TTC12: variants seen among roughly 807,000 people sequenced by gnomAD.
TTC12 encodes the protein tetratricopeptide repeat domain 12.
TTC12 carries 70 observed loss-of-function variants against 90.1 expected under a neutral mutation model. The observed-to-expected ratio is 0.78, with a 90% CI of 0.64 to 0.95. TTC12 has a LOEUF of 0.95. Among genes scored for constraint, TTC12 ranks in the 40% least tolerant of loss-of-function variants. The pLI is 0.00. For synonymous variants in TTC12, 296 were observed against 311.5 expected, an observed-to-expected ratio of 0.95 and a Z score of 0.53; for missense variants, 819 against 846.1, an observed-to-expected ratio of 0.97 and a Z score of 0.40.
intron 9 of TTC12, 24 bp downstream of exon 9, chr11:113,338,858 CT>C: frequency 1.2e-6 from 2 of 1,609,962 alleles, no homozygotes; most frequent in South Asian, 2.2e-5. Context: ...TGCTGAGGTC[CT>C]TCATCTGAAC....
Position 113,344,200 on chromosome 11 carries a change from G to T in TTC12, c.986-72G>T, listed in dbSNP as rs956713338. ...GGGCACCAGTTGAGTTTCCCATTAG[G>T]ATAGAGGGTGACAGAGCTAGTTTAA... On this transcript the variant is annotated intron_variant, in intron 12 of 21. Transcript: ENST00000529221. The T allele has an allele frequency of 3.3e-6, 5 of 1,498,608 alleles. No individual in the cohort carries two copies. The African/African-American group carries it at 5.5e-5, about 17-fold the overall frequency. 92.8% of individuals were successfully genotyped at this position (1,498,608 alleles called of 1,614,324 possible).
intron 13 of TTC12, among the ~76,000 whole-genome samples, chr11:113,349,489 A>C (rs1949150452): frequency 6.6e-6 from 1 of 152,176 alleles, no homozygotes. Context: ...CTGTTTGCTC[A>C]TTTTGTGTTT....
chr11:113,358,340 G>A (rs1466034962), intron 16 of TTC12, among the ~76,000 whole-genome samples: 1 of 152,174 alleles, frequency 6.6e-6, no homozygotes, highest in African/African-American at 2.4e-5. Flanking sequence ...GGAAGCTGCA[G>A]TGTGGGGAGG....
chr11:113,373,216 C>T (rs1950430243), exon 22 of TTC12: 1 of 985,304 alleles, frequency 1.0e-6, no homozygotes, highest in African/African-American at 1.7e-5. Flanking sequence ...CTGTCCCCAA[C>T]CCATGCGATT....
At position 113,324,679 on chromosome 11, in the gene TTC12, G is replaced by A. The variant is rs1555140307; in HGVS notation, c.319G>A (p.Asp107Asn). ...KRRRENKVLA[D>N]ALKEKGNEAF... Reference sequence around the variant, plus strand: ...AAGAAGGGAAAACAAAGTCTTGGCGGATGGTAATTGTCAGTCCTTACTTTT... The same window carrying A: ...AAGAAGGGAAAACAAAGTCTTGGCGAATGGTAATTGTCAGTCCTTACTTTT... The change falls in exon 5 of 22, where the codon GAT (aspartate) becomes AAT (asparagine). Residue 107 changes from aspartate to asparagine, a missense_variant. By Grantham distance (23) the Asp-to-Asn change is conservative (BLOSUM62 1). Transcript: ENST00000529221. 1 of 1,613,666 alleles carries A rather than the reference G, an allele frequency of 6.2e-7. No individual in the cohort carries two copies. The highest frequency in any genetic ancestry group is 1.7e-5 in the Admixed American group (1 of 59,988).
chr11:113,336,274 A>G (rs1384528362), intron 8 of TTC12, among the ~76,000 whole-genome samples: 1 of 152,122 alleles, frequency 6.6e-6, no homozygotes, highest in Non-Finnish European at 1.5e-5. Flanking sequence ...TATATTCTGA[A>G]TACAAGTTTC....
At chr11:113,339,535 G>A in intron 10 of TTC12, 61 bp downstream of exon 10, 1 of 1,467,028 alleles carries the variant, frequency 6.8e-7, no homozygotes, top group Non-Finnish European at 9.3e-7. Context: ...ACATTCAGAG[G>A]TCTGCCTTTA....
chr11:113,361,876 A>G (rs540502959), intron 18 of TTC12, among the ~76,000 whole-genome samples: 1 of 152,162 alleles, frequency 6.6e-6, no homozygotes, highest in Non-Finnish European at 1.5e-5. Context: ...AGAAGAAAAA[A>G]ATAGTAACTA....
At position 113,334,873 on chromosome 11, in the gene TTC12, T is replaced by C. The variant is rs76717283; in HGVS notation, c.505-93T>C. On this transcript the variant is annotated intron_variant, in intron 7 of 21. Transcript: ENST00000529221. ...CTGGTAGTTGCCCTGAGAATCAAAG[T>C]TTCGCCTTAACTCTTTTAGCTGTAT... is the stretch of plus-strand genomic sequence containing the variant. The C allele has an allele frequency of 2.4e-3, 2,426 of 1,014,258 alleles. 42 individuals carry two copies. The African/African-American group carries it at 0.036, about 15-fold the overall frequency. 62.8% of individuals were successfully genotyped at this position (1,014,258 alleles called of 1,614,324 possible).
chr11:113,323,489 A>C, intron 3 of TTC12, 38 bp downstream of exon 3: 1 of 1,452,598 alleles, frequency 6.9e-7, no homozygotes, highest in Non-Finnish European at 9.2e-7. Flanking sequence ...AAGTACTTAC[A>C]GTGAGAAGAC....
intron 2 of TTC12, among the ~76,000 whole-genome samples, 162 bp from the exon 3 acceptor site, chr11:113,323,126 T>A (rs1325982687): frequency 4.6e-4 from 69 of 150,346 alleles, no homozygotes; most frequent in African/African-American, 1.6e-3. Context: ...AAAAAACCTG[T>A]TGTTAATTTT....
chr11:113,361,761 AG>A (rs1189144119), intron 18 of TTC12, among the ~76,000 whole-genome samples: 1 of 152,200 alleles, frequency 6.6e-6, no homozygotes, highest in Admixed American at 6.5e-5. Context: ...GTGATTGGGC[AG>A]GTAAAGGGTC....
Position 113,323,358 on chromosome 11 carries a change from G to A in TTC12, c.129G>A (p.Lys43=). The A allele has an allele frequency of 6.2e-7, 1 of 1,613,418 alleles. No individual in the cohort carries two copies. The highest frequency in any genetic ancestry group is 8.5e-7 in the Non-Finnish European group (1 of 1,179,810). The change falls in exon 3 of 22, where the codon AAG becomes AAA. Residue 43 remains lysine (K), a synonymous_variant. Coordinates refer to ENST00000529221, the MANE Select transcript of TTC12 (RefSeq NM_017868.4). ...AGAAAGCTGTCCTGGAGACAGAAAA[G>A]AGACTACTGCTTATGGAGGAAGACC... ...VQQKAVLETE[K]RLLLMEEDQE...
chr11:113,320,746 G>A (rs1344831317), intron 2 of TTC12, among the ~76,000 whole-genome samples: 4 of 152,196 alleles, frequency 2.6e-5, no homozygotes, highest in South Asian at 2.1e-4. Context: ...GCTGTAACAC[G>A]TGCCCAACTG....
At chr11:113,358,724 C>T (rs1278542057) in intron 16 of TTC12, among the ~76,000 whole-genome samples, 5 of 152,176 alleles carry the variant, frequency 3.3e-5, no homozygotes, top group African/African-American at 4.8e-5. Flanking sequence ...TACCACTTCT[C>T]TAAGCAGCTC....
At chr11:113,332,300 TCGTG>T (rs1948110296) in intron 7 of TTC12, among the ~76,000 whole-genome samples, 1 of 152,186 alleles carries the variant, frequency 6.6e-6, no homozygotes, top group Non-Finnish European at 1.5e-5. Context: ...GTGGGCCTAT[TCGTG>T]AGAAAAATCC....
intron 2 of TTC12, among the ~76,000 whole-genome samples, chr11:113,317,237 C>CATACCTACT (rs1946997638): frequency 1.3e-5 from 2 of 152,216 alleles, no homozygotes; most frequent in African/African-American, 4.8e-5. Context: ...ATGGTACTGT[C>CATACCTACT]ATACCTACTG....
At chr11:113,372,974 GT>G (rs1331295979) in intron 21 of TTC12, 1 of 154,956 alleles carries the variant, frequency 6.5e-6, no homozygotes, top group Non-Finnish European at 1.4e-5. Flanking sequence ...TATATCCTCT[GT>G]TTCAAAGACC....
chr11:113,332,547 A>G (rs931487335), intron 7 of TTC12, among the ~76,000 whole-genome samples: 1 of 151,906 alleles, frequency 6.6e-6, no homozygotes, highest in African/African-American at 2.4e-5. Context: ...TGCTTCCTCA[A>G]TTTTATCCTT....
Sources: allele counts gnomAD v4.1 joint callset (sites outside exome capture counted in the v4.1 genomes callset), GRCh38; gene constraint gnomAD v4.1.1; transcripts MANE v1.5; gene names NCBI Gene and HGNC (gene_info 2026-07-23, HGNC 2026-07-21).